SYN2: variants seen among roughly 807,000 people sequenced by gnomAD.
The protein encoded by SYN2 is synapsin II.
SYN2 carries 19 observed loss-of-function variants against 50.9 expected under a neutral mutation model. That is an observed-to-expected ratio of 0.37 (90% CI 0.26 to 0.55). SYN2 has a LOEUF of 0.55. SYN2 is among the 20% of genes least tolerant of loss of function. The pLI is 0.81. For synonymous variants in SYN2, 255 were observed against 224.9 expected (o/e 1.13, Z -1.20); for missense variants, 587 against 576.4 (o/e 1.02, Z -0.19).
In SYN2 at chr3:12,190,864, G is replaced by A; in HGVS notation, c.*239G>A. The A allele has an allele frequency of 7.8e-7, 1 of 1,284,108 alleles. No individual in the cohort carries two copies. Among genetic ancestry groups the A allele is most frequent in the Non-Finnish European group, 9.8e-7 (1 of 1,017,920 alleles). The allele number at this position is 1,284,108 out of a possible 1,614,324, so 79.5% of individuals were successfully genotyped here. ...GAGAGGAAAGAGCTGCTTCCCTGTA[G>A]TCATGAGAGCTTCCTTCTGAAGTCA... On this transcript the variant is annotated 3_prime_UTR_variant, in exon 13 of 13. Transcript: ENST00000621198.
chr3:12,084,716 A>C (rs964375082), intron 1 of SYN2, among the ~76,000 whole-genome samples: 2 of 152,236 alleles, frequency 1.3e-5, no homozygotes, highest in African/African-American at 2.4e-5. Flanking sequence ...CTGTTAAGGG[A>C]TACACATTAT....
At chr3:12,153,570 C>T in intron 5 of SYN2, 2 of 1,614,088 alleles carry the variant, frequency 1.2e-6, no homozygotes, top group Non-Finnish European at 1.7e-6. Flanking sequence ...GCCCCGGTAC[C>T]AGCTGCAGGT....
chr3:12,166,405 A>AT (rs748181226), intron 7 of SYN2, among the ~76,000 whole-genome samples: 1 of 152,242 alleles, frequency 6.6e-6, no homozygotes, highest in Non-Finnish European at 1.5e-5. Flanking sequence ...GTGTTAACAG[A>AT]TAACAGGCTC....
At chr3:12,132,080 C>G (rs1696808650) in intron 1 of SYN2, among the ~76,000 whole-genome samples, 1 of 145,210 alleles carries the variant, frequency 6.9e-6, no homozygotes, top group African/African-American at 2.6e-5. Context: ...CCATGTTGGC[C>G]AGGCTGCACT....
intron 1 of SYN2, among the ~76,000 whole-genome samples, chr3:12,009,194 T>C (rs1292960348): frequency 6.6e-6 from 1 of 152,200 alleles, no homozygotes; most frequent in Non-Finnish European, 1.5e-5. Context: ...TTCTCAGATA[T>C]TAGAGCTGAA....
At chr3:12,132,679 A>C (rs1249249926) in intron 1 of SYN2, among the ~76,000 whole-genome samples, 1 of 152,218 alleles carries the variant, frequency 6.6e-6, no homozygotes, top group Non-Finnish European at 1.5e-5. Flanking sequence ...ACTTTTGTCC[A>C]GATAAGTGGA....
At position 12,004,649 on chromosome 3, in the gene SYN2, AGCCGCCGCC is replaced by A. The variant is rs202010288; in HGVS notation, c.108_116del (p.Pro38_Pro40del). On this transcript the variant is annotated inframe_deletion, in exon 1 of 13. Transcript: ENST00000621198. ...GACCTGCAGCGGCCCGAGCCCCAGC[AGCCGCCGCC>A]GCCGCCGCCCCCCGGTCCGGGCGCC... 1.3e-5 allele frequency: 5 copies of A among 381,142 alleles called. No homozygotes were observed. The highest frequency in any genetic ancestry group is 2.4e-5 in the Non-Finnish European group (5 of 207,222). 23.6% of individuals were successfully genotyped at this position (381,142 alleles called of 1,614,324 possible).
Position 12,182,005 on chromosome 3 carries a change from T to C in SYN2, c.1309-1307T>C, listed in dbSNP as rs545178716. Among the ~76,000 whole-genome samples the C allele has an allele frequency of 3.9e-5, 6 of 152,302 alleles. 1 individual carries two copies. Among genetic ancestry groups the C allele is most frequent in the African/African-American group, 1.4e-4 (6 of 41,566 alleles). ...GAGGGTTATGGTAGAATGGGCACTC[T>C]GATGTGGTGGCACTGAGGACATTTC... On this transcript the variant is annotated intron_variant, in intron 10 of 12. Transcript: ENST00000621198.
chr3:12,025,869 C>T (rs1011294124), intron 1 of SYN2, among the ~76,000 whole-genome samples: 1 of 152,170 alleles, frequency 6.6e-6, no homozygotes, highest in African/African-American at 2.4e-5. Flanking sequence ...ACTGACACAT[C>T]CTCTCCTCCA....
In SYN2 at chr3:12,004,524, C is replaced by A. The variant is rs1363440993; in HGVS notation, c.-28C>A. On this transcript the variant is annotated 5_prime_UTR_variant, in exon 1 of 13. Transcript: ENST00000621198. The stretch of plus-strand genomic sequence containing the variant: ...CCTCCGCGCCACCAGACCCCGTAGC[C>A]CCGCGCGCCCCCAGCCCTTTAAGCC... 1 of 570,236 alleles carries A rather than the reference C, an allele frequency of 1.8e-6. No homozygotes were observed. Among genetic ancestry groups the A allele is most frequent in the East Asian group, 3.6e-5 (1 of 28,128 alleles). 35.3% of individuals were successfully genotyped at this position (570,236 alleles called of 1,614,324 possible). A position where few individuals can be genotyped will look rare whatever the true frequency, so the allele number is the denominator to read the frequency against.
chr3:12,110,808 A>G (rs1294526191), intron 1 of SYN2, among the ~76,000 whole-genome samples: 1 of 152,102 alleles, frequency 6.6e-6, no homozygotes, highest in African/African-American at 2.4e-5. Flanking sequence ...TGTTTTGGCC[A>G]ATTTCTCCCA....
chr3:12,158,948 G>A, intron 5 of SYN2: 8 of 1,395,792 alleles, frequency 5.7e-6, no homozygotes, highest in South Asian at 3.0e-5. Context: ...TTATGAGGTG[G>A]CCCTAAGGGC....
intron 7 of SYN2, among the ~76,000 whole-genome samples, chr3:12,164,083 T>C (rs895310829): frequency 2.6e-5 from 4 of 152,118 alleles, no homozygotes; most frequent in South Asian, 2.1e-4. Flanking sequence ...AAAAGAAATA[T>C]GCACAATCTA....
At chr3:12,189,828 AG>A (rs1409403484) in intron 12 of SYN2, among the ~76,000 whole-genome samples, 7 of 152,108 alleles carry the variant, frequency 4.6e-5, no homozygotes, top group African/African-American at 1.7e-4. Context: ...AAACAAAAAG[AG>A]AACAGGGAAA....
rs145579213 is a variant in SYN2, at chr3:12,109,913, G to A, written c.378-30738G>A. Among the ~76,000 whole-genome samples, 8 of 152,228 alleles carry A rather than the reference G, an allele frequency of 5.3e-5. No individual in the cohort carries two copies. The East Asian group carries it at 1.5e-3, about 29-fold the overall frequency. ...TCTTTTTTAAAATAGTGATATACTG[G>A]GCACAGTGGCTCATGCCTGTAATCC... On this transcript the variant is annotated intron_variant, in intron 1 of 12. Coordinates refer to ENST00000621198, the MANE Select transcript of SYN2 (RefSeq NM_133625.6).
rs1244853080 is a variant in SYN2 at position 12,185,285 on chromosome 3, C to T, written c.1369+1913C>T. 8.1e-6 allele frequency: 8 copies of T among 985,524 alleles called. No individual in the cohort carries two copies. In the Admixed American group the frequency reaches 2.5e-4, roughly 30 times the overall value. The allele number at this position is 985,524 out of a possible 1,614,324, so 61.0% of individuals were successfully genotyped here. A position where few individuals can be genotyped will look rare whatever the true frequency, so the allele number is the denominator to read the frequency against. On this transcript the variant is annotated intron_variant, in intron 11 of 12. Coordinates refer to ENST00000621198, the MANE Select transcript of SYN2 (RefSeq NM_133625.6). ...ATTTTATCGTATATTTTTGTCCAAG[C>T]GATGAGCTGACGGTGGTATTGCTTC... is the stretch of plus-strand genomic sequence containing the variant.
intron 11 of SYN2, chr3:12,184,936 C>T: frequency 1.0e-6 from 1 of 985,678 alleles, no homozygotes; most frequent in Non-Finnish European, 1.2e-6. Context: ...TCTATACTGT[C>T]ATGTCACCGT....
At position 12,190,867 on chromosome 3, in the gene SYN2, A is replaced by C; in HGVS notation, c.*242A>C. 1 of 1,277,022 alleles carries C rather than the reference A, an allele frequency of 7.8e-7. No homozygotes were observed. The highest frequency in any genetic ancestry group is 9.9e-7 in the Non-Finnish European group (1 of 1,013,512). The allele number at this position is 1,277,022 out of a possible 1,614,324, so 79.1% of individuals were successfully genotyped here. On this transcript the variant is annotated 3_prime_UTR_variant, in exon 13 of 13. Transcript: ENST00000621198. ...AGGAAAGAGCTGCTTCCCTGTAGTCATGAGAGCTTCCTTCTGAAGTCATCG... is the reference window on the plus strand; with the variant it reads ...AGGAAAGAGCTGCTTCCCTGTAGTCCTGAGAGCTTCCTTCTGAAGTCATCG...
intron 1 of SYN2, among the ~76,000 whole-genome samples, chr3:12,137,092 T>C (rs1696912016): frequency 6.6e-6 from 1 of 151,628 alleles, no homozygotes; most frequent in South Asian, 2.1e-4. Flanking sequence ...CAAAAAAAAT[T>C]TAAAAATTAG....
Sources: allele counts gnomAD v4.1 joint callset (sites outside exome capture counted in the v4.1 genomes callset), GRCh38; gene constraint gnomAD v4.1.1; transcripts MANE v1.5; gene names NCBI Gene and HGNC (gene_info 2026-07-23, HGNC 2026-07-21).